PLEKHG4: variants seen among roughly 807,000 people sequenced by gnomAD.
PLEKHG4 encodes the protein puratrophin-1.
PLEKHG4 carries 85 observed loss-of-function variants against 136.9 expected under a neutral mutation model. The observed-to-expected ratio is 0.62, with a 90% CI of 0.52 to 0.74. The LOEUF is 0.74. Ranked by LOEUF, PLEKHG4 falls within the 30% of genes least tolerant of loss-of-function variation. PLEKHG4 has a pLI of 0.00. For missense variants in PLEKHG4, 1,317 were observed against 1,527.8 expected, an observed-to-expected ratio of 0.86 and a Z score of 2.30; for synonymous variants, 577 against 646.9, an observed-to-expected ratio of 0.89 and a Z score of 1.64.
rs372820870 is a variant in PLEKHG4, at chr16:67,281,635, C to G, written c.882C>G (p.Ser294=). Residue 294 remains serine, a synonymous_variant, in exon 6 of 22, where the codon TCC becomes TCG. Transcript: ENST00000379344. ...GCACGCTGCTGAAGGAAGTGCCTTC[C>G]GGGCTGCAGGTACTAAGCCCAGTTG... ...VGSTLLKEVP[S]GLQLEQLPSQ... is the part of the protein sequence containing the mutation. The G allele has an allele frequency of 1.9e-6, 3 of 1,613,990 alleles. No homozygotes were observed. The highest frequency in any genetic ancestry group is 1.6e-4 in the Middle Eastern group (1 of 6,062).
rs1044634325 is a variant in PLEKHG4, at chr16:67,289,293, G to A, written c.*485G>A. ...TCATGCTTGCCTTTCCTGGCCCCCA[G>A]GCCCAGCCCCTTTTTACTGGGGCAG... On this transcript the variant is annotated 3_prime_UTR_variant, in exon 22 of 22. Coordinates refer to ENST00000379344, the MANE Select transcript of PLEKHG4 (RefSeq NM_001129729.3). 3.6e-5 allele frequency: 15 copies of A among 420,164 alleles called. No homozygotes were observed. The highest frequency in any genetic ancestry group is 8.2e-5 in the Admixed American group (2 of 24,506). 26.0% of individuals were successfully genotyped at this position (420,164 alleles called of 1,614,324 possible).
In PLEKHG4 at chr16:67,288,706, G is replaced by A. The variant is rs2036605545; in HGVS notation, c.3571-97G>A. On this transcript the variant is annotated intron_variant, in intron 21 of 21. Transcript: ENST00000379344. ...CAGCCCAGGCTAGGCCTTTACTTTG[G>A]GTAGAGCTTGGGGTGGGTGGGCCAG... 2.5e-6 allele frequency: 4 copies of A among 1,598,856 alleles called. No homozygotes were observed. In the Admixed American group the frequency reaches 6.7e-5, roughly 27 times the overall value.
rs775400956 is a variant in PLEKHG4, at chr16:67,282,369, C to G, written c.1253+20C>G. 6.2e-7 allele frequency: 1 copy of G among 1,610,796 alleles called. No individual in the cohort carries two copies. The highest frequency in any genetic ancestry group is 8.5e-7 in the Non-Finnish European group (1 of 1,178,942). ...CTACAGGTGAGTGCAAGCCCGGCCC[C>G]CAGATCTTGCCCCAGCCCACCATAT... On this transcript the variant is annotated intron_variant, in intron 9 of 21. Coordinates refer to ENST00000379344, the MANE Select transcript of PLEKHG4 (RefSeq NM_001129729.3).
In PLEKHG4 at chr16:67,289,035, C is replaced by T. The variant is rs1567444498; in HGVS notation, c.*227C>T. 3 of 639,476 alleles carry T rather than the reference C, an allele frequency of 4.7e-6. No homozygotes were observed. The highest frequency in any genetic ancestry group is 8.5e-6 in the Non-Finnish European group (3 of 351,368). 39.6% of individuals were successfully genotyped at this position (639,476 alleles called of 1,614,324 possible). A position where few individuals can be genotyped will look rare whatever the true frequency, so the allele number is the denominator to read the frequency against. On this transcript the variant is annotated 3_prime_UTR_variant, in exon 22 of 22. Transcript: ENST00000379344. ...CCTGAATAGGCTCCTGGCCCCATGA[C>T]CCCTTCTCCTGTCCCCAGCTCCCAT...
intron 19 of PLEKHG4, 28 bp from the exon 20 acceptor site, chr16:67,288,139 T>A (rs113677933): frequency 1.7e-5 from 27 of 1,598,308 alleles, no homozygotes; most frequent in African/African-American, 1.6e-4. Flanking sequence ...CTCTGGCCTG[T>A]CCCAACCTGA....
upstream of PLEKHG4, chr16:67,278,236 C>T (rs2036060732): frequency 2.6e-5 from 4 of 152,262 alleles, no homozygotes; most frequent in Admixed American, 2.6e-4. Flanking sequence ...CTCCAAGGCT[C>T]CCCTCTGGCA....
Position 67,280,000 on chromosome 16 carries a change from C to T in PLEKHG4, c.-45C>T. 2.5e-6 allele frequency: 4 copies of T among 1,597,564 alleles called. No individual in the cohort carries two copies. The highest frequency in any genetic ancestry group is 3.4e-6 in the Non-Finnish European group (4 of 1,171,346). On this transcript the variant is annotated 5_prime_UTR_variant, in exon 2 of 22. Transcript: ENST00000379344. Reference sequence around the variant, plus strand: ...CAGCGCGGTTCACACTGAGACCCAGCCCTCTCCCGCTGGCCCCGAGCAGGC... The same window carrying T: ...CAGCGCGGTTCACACTGAGACCCAGTCCTCTCCCGCTGGCCCCGAGCAGGC...
In PLEKHG4 at chr16:67,288,266, CT is replaced by C. The variant is rs1203867399; in HGVS notation, c.3321del (p.Val1108PhefsTer44). 1 of 1,613,696 alleles carries C rather than the reference CT, an allele frequency of 6.2e-7. No individual in the cohort carries two copies. Among genetic ancestry groups the C allele is most frequent in the South Asian group, 1.1e-5 (1 of 91,080 alleles). On this transcript the variant is annotated frameshift_variant, in exon 20 of 22. Transcript: ENST00000379344. LOFTEE classifies it high-confidence loss of function. Reference sequence around the variant, plus strand: ...CTTCCTGGAGACCCTGCCTCTTGCTCTGTTCTGGGGTCCCTCAACCTGCACC... The same window carrying C: ...CTTCCTGGAGACCCTGCCTCTTGCTCGTTCTGGGGTCCCTCAACCTGCACC... ...NSLPGDPASC[S>X]VLGSLNLHLY...
chr16:67,287,079 G>A lies in PLEKHG4; in HGVS notation c.3005G>A (p.Arg1002Lys). The A allele has an allele frequency of 6.2e-7, 1 of 1,613,332 alleles. No homozygotes were observed. Among genetic ancestry groups the A allele is most frequent in the East Asian group, 2.2e-5 (1 of 44,880 alleles). Reference sequence around the variant, plus strand: ...ATCTGGTTCCGCCGCCGCAAGGCCAGGGACACCTTTGTGCTGCAGGCCTCC... The same window carrying A: ...ATCTGGTTCCGCCGCCGCAAGGCCAAGGACACCTTTGTGCTGCAGGCCTCC... ...FEIWFRRRKA[R>K]DTFVLQASSL... Residue 1002 changes from arginine to lysine, a missense_variant, in exon 18 of 22, where the codon AGG becomes AAG. Arg to Lys is a conservative substitution (Grantham distance 26). Transcript: ENST00000379344.
chr16:67,282,322 C>A lies in PLEKHG4; in HGVS notation c.1226C>A (p.Pro409Gln). The A allele has an allele frequency of 6.2e-7, 1 of 1,612,916 alleles. No homozygotes were observed. The highest frequency in any genetic ancestry group is 8.5e-7 in the Non-Finnish European group (1 of 1,179,874). The change falls in exon 9 of 22, where the codon CCA becomes CAA. Residue 409 changes from proline (P) to glutamine (Q), a missense_variant. By Grantham distance (76) the Pro-to-Gln change is moderately conservative. Transcript: ENST00000379344. ...RELTWLKQEV[P>Q]EVTLSPDYRT... Reference sequence around the variant, plus strand: ...CTGACATGGCTGAAGCAAGAGGTCCCAGAGGTGACCCTGAGCCCAGACTAC... The same window carrying A: ...CTGACATGGCTGAAGCAAGAGGTCCAAGAGGTGACCCTGAGCCCAGACTAC...
chr16:67,285,810 C>T (rs1230578403), intron 14 of PLEKHG4, among the ~76,000 whole-genome samples: 4 of 152,140 alleles, frequency 2.6e-5, no homozygotes, highest in Non-Finnish European at 5.9e-5. Flanking sequence ...GGCCTGAGTG[C>T]GGTGCCAGGA....
chr16:67,286,673 C>T lies in PLEKHG4; in HGVS notation c.2754+7C>T. 6.3e-7 allele frequency: 1 copy of T among 1,579,144 alleles called. No homozygotes were observed. Among genetic ancestry groups the T allele is most frequent in the Non-Finnish European group, 8.6e-7 (1 of 1,161,902 alleles). Reference sequence around the variant, plus strand: ...CGCCATCCAGGGCTGTGATGTGAGTCATCCCAGGGCAAGGGCAGTGGGTGT... The same window carrying T: ...CGCCATCCAGGGCTGTGATGTGAGTTATCCCAGGGCAAGGGCAGTGGGTGT... On this transcript the variant is annotated splice_region_variant and intron_variant, in intron 16 of 21. Coordinates refer to ENST00000379344, the MANE Select transcript of PLEKHG4 (RefSeq NM_001129729.3).
At chr16:67,288,093 G>A (rs2036565382) in intron 19 of PLEKHG4, 74 bp from the exon 20 acceptor site, 3 of 1,532,292 alleles carry the variant, frequency 2.0e-6, no homozygotes, top group Admixed American at 3.3e-5. Flanking sequence ...ATTAGTGCTG[G>A]CCCGCACTTT....
At position 67,284,190 on chromosome 16, in the gene PLEKHG4, T is replaced by TA. The variant is rs1567436662; in HGVS notation, c.1510-85_1510-84insA. ...CCACAGGACAGACTTGATGGGGACA[T>TA]GTCGATATGTCAGCAGGAAGTATCT... On this transcript the variant is annotated intron_variant, in intron 11 of 21. Coordinates refer to ENST00000379344, the MANE Select transcript of PLEKHG4 (RefSeq NM_001129729.3). The surrounding 1 kb of genome is among the most constrained non-coding windows in gnomAD (Gnocchi z 4.4). 2.5e-6 allele frequency: 3 copies of TA among 1,187,356 alleles called. No individual in the cohort carries two copies. In the African/African-American group the frequency reaches 4.5e-5, roughly 18 times the overall value. 73.6% of individuals were successfully genotyped at this position (1,187,356 alleles called of 1,614,324 possible).
In PLEKHG4 at chr16:67,281,640, T is replaced by G. The variant is rs2036231420; in HGVS notation, c.887T>G (p.Leu296Arg). 1.2e-6 allele frequency: 2 copies of G among 1,614,084 alleles called. No homozygotes were observed. Among genetic ancestry groups the G allele is most frequent in the African/African-American group, 2.7e-5 (2 of 75,068 alleles). Residue 296 changes from leucine (L) to arginine (R), a missense_variant, in exon 6 of 22, where the codon CTG becomes CGG. Coordinates refer to ENST00000379344, the MANE Select transcript of PLEKHG4 (RefSeq NM_001129729.3). ...STLLKEVPSGLQLEQLPSQSL... is the reference protein window; with the variant it reads ...STLLKEVPSGRQLEQLPSQSL... ...CTGCTGAAGGAAGTGCCTTCCGGGC[T>G]GCAGGTACTAAGCCCAGTTGGCTAG...
intron 14 of PLEKHG4, 129 bp from the exon 15 acceptor site, chr16:67,286,145 C>A (rs916163246): frequency 1.1e-4 from 80 of 738,502 alleles, no homozygotes; most frequent in Non-Finnish European, 1.9e-4. Context: ...AAGACTGGGT[C>A]TGTAGGGGAG....
Position 67,284,404 on chromosome 16 carries a change from C to T in PLEKHG4, c.1639C>T (p.Gln547Ter). The T allele has an allele frequency of 1.2e-6, 2 of 1,614,104 alleles. No individual in the cohort carries two copies. Among genetic ancestry groups the T allele is most frequent in the Non-Finnish European group, 8.5e-7 (1 of 1,179,984 alleles). The stretch of plus-strand genomic sequence containing the variant: ...GACTGAATTCTCTAGGGCTTTGGCC[C>T]AGCGGTGCCAGCGGCTGGCGGATGC... ...QLTEFSRALA[Q>*]RCQRLADAER... Residue 547 changes from glutamine (Q) to a stop codon, truncating the protein, a stop_gained, in exon 12 of 22, where the codon CAG becomes TAG. Coordinates refer to ENST00000379344, the MANE Select transcript of PLEKHG4 (RefSeq NM_001129729.3). LOFTEE classifies it high-confidence loss of function. The surrounding 1 kb of genome is among the most constrained non-coding windows in gnomAD (Gnocchi z 4.4).
rs772063331 is a variant in PLEKHG4 at position 67,288,209 on chromosome 16, A to G, written c.3263A>G (p.His1088Arg). Residue 1088 changes from histidine to arginine, a missense_variant, in exon 20 of 22, where the codon CAT (histidine) becomes CGT (arginine). His to Arg is a conservative substitution (Grantham distance 29). Transcript: ENST00000379344. Reference protein sequence around the residue: ...RASIAVAPFDHDSLYLGASNS... With the variant: ...RASIAVAPFDRDSLYLGASNS... The stretch of plus-strand genomic sequence containing the variant: ...TCCATTGCCGTAGCCCCGTTTGACC[A>G]TGACAGCCTCTACCTGGGGGCCTCG... The G allele has an allele frequency of 3.1e-6, 5 of 1,613,992 alleles. No individual in the cohort carries two copies. Among genetic ancestry groups the G allele is most frequent in the Non-Finnish European group, 4.2e-6 (5 of 1,179,990 alleles).
chr16:67,280,082 A>C lies in PLEKHG4; in HGVS notation c.38A>C (p.Asp13Ala). Residue 13 changes from aspartate to alanine, a missense_variant, in exon 2 of 22, where the codon GAC becomes GCC. Transcript: ENST00000379344. This position sits in a 1 kb window ranked among gnomAD's most constrained non-coding sequence, Gnocchi z 4.4. ...CTGGAGAATGGGGATGAGTCCCCAGACTCTCAGGGCCATGCCACCGACTGG... is the reference window on the plus strand; with the variant it reads ...CTGGAGAATGGGGATGAGTCCCCAGCCTCTCAGGGCCATGCCACCGACTGG... ...RPLENGDESP[D>A]SQGHATDWRF... is the part of the protein sequence containing the mutation. 1 of 1,613,228 alleles carries C rather than the reference A, an allele frequency of 6.2e-7. No individual in the cohort carries two copies. The highest frequency in any genetic ancestry group is 8.5e-7 in the Non-Finnish European group (1 of 1,179,664).
Sources: gnomAD v4.1 joint callset for allele counts (sites outside exome capture counted in the v4.1 genomes callset) on GRCh38, gnomAD v4.1.1 for gene constraint, Gnocchi (gnomAD v3.1) non-coding constraint, MANE v1.5 for transcripts, NCBI Gene and HGNC (gene_info 2026-07-23, HGNC 2026-07-21) for gene names.